The following LHFPL3 variants were observed in gnomAD, a reference collection of about 807,000 sequenced individuals.
LHFPL3 encodes the protein LHFPL tetraspan subfamily member 3 protein.
A neutral mutation model predicts 19.3 loss-of-function variants in LHFPL3; 5 were observed. The observed-to-expected ratio is 0.26, with a 90% CI of 0.14 to 0.54. LHFPL3 has a LOEUF of 0.54. Among genes scored for constraint, LHFPL3 ranks in the 20% least tolerant of loss-of-function variants. The probability of loss-of-function intolerance (pLI) is 0.94; values close to 1 mark genes in which losing one functional copy is unlikely to be tolerated. For synonymous variants in LHFPL3, 133 were observed against 126.2 expected (o/e 1.05, Z -0.36); for missense variants, 249 against 307.4 (o/e 0.81, Z 1.42).
chr7:104,866,279 A>G (rs1235640277), intron 2 of LHFPL3, among the ~76,000 whole-genome samples: 3 of 152,206 alleles, frequency 2.0e-5, no homozygotes, highest in East Asian at 3.8e-4. Flanking sequence ...ACACAGACTG[A>G]CAAATTGGAT....
intron 1 of LHFPL3, among the ~76,000 whole-genome samples, chr7:104,385,517 C>A (rs1303110179): frequency 1.3e-5 from 2 of 152,156 alleles, no homozygotes; most frequent in Non-Finnish European, 2.9e-5. Flanking sequence ...AGTAAAATCA[C>A]CAAGATAATG....
intron 1 of LHFPL3, among the ~76,000 whole-genome samples, chr7:104,434,392 A>G (rs1053450886): frequency 1.3e-5 from 2 of 152,212 alleles, no homozygotes; most frequent in African/African-American, 4.8e-5. Context: ...TGTATGCAAA[A>G]GTTTTTGCAT....
At chr7:104,533,318 G>A (rs1794337269) in intron 1 of LHFPL3, among the ~76,000 whole-genome samples, 1 of 152,014 alleles carries the variant, frequency 6.6e-6, no homozygotes, top group African/African-American at 2.4e-5. Context: ...TTCTTCATGA[G>A]GTTTTTTCCT....
intron 1 of LHFPL3, among the ~76,000 whole-genome samples, chr7:104,374,578 A>G (rs1790674233): frequency 1.3e-5 from 2 of 152,120 alleles, no homozygotes; most frequent in Non-Finnish European, 2.9e-5. Flanking sequence ...TAGGCTAGAA[A>G]TGGAGCACGG....
At chr7:104,410,895 C>T (rs1470591894) in intron 1 of LHFPL3, among the ~76,000 whole-genome samples, 1 of 152,108 alleles carries the variant, frequency 6.6e-6, no homozygotes, top group African/African-American at 2.4e-5. Flanking sequence ...TTGAGTGGCT[C>T]ACTGTGATTC....
intron 1 of LHFPL3, among the ~76,000 whole-genome samples, chr7:104,476,542 C>T: frequency 6.6e-6 from 1 of 152,046 alleles, no homozygotes; most frequent in Non-Finnish European, 1.5e-5. Context: ...CTCACTGCAA[C>T]CTCCGCCTCC....
chr7:104,400,126 A>AC (rs1791283953), intron 1 of LHFPL3, among the ~76,000 whole-genome samples: 2 of 134,740 alleles, frequency 1.5e-5, no homozygotes, highest in African/African-American at 6.0e-5. Flanking sequence ...AAAAAAAAAA[A>AC]AAAAAAAAAA....
chr7:104,666,873 C>T (rs1792364428), intron 1 of LHFPL3, among the ~76,000 whole-genome samples: 1 of 151,880 alleles, frequency 6.6e-6, no homozygotes, highest in Admixed American at 6.6e-5. Flanking sequence ...GTATATATAC[C>T]ACATTTTCTT....
chr7:104,705,647 T>C (rs1248953852), intron 1 of LHFPL3, among the ~76,000 whole-genome samples: 5 of 152,184 alleles, frequency 3.3e-5, no homozygotes. Flanking sequence ...TAGTTACCTT[T>C]AGCACCTGTT....
At chr7:104,696,033 C>A (rs1584484955) in intron 1 of LHFPL3, among the ~76,000 whole-genome samples, 1 of 152,192 alleles carries the variant, frequency 6.6e-6, no homozygotes, top group African/African-American at 2.4e-5. Context: ...TCACTGCAAC[C>A]TCCGCCTCCT....
chr7:104,343,963 A>G (rs1790013335), intron 1 of LHFPL3, among the ~76,000 whole-genome samples: 1 of 152,080 alleles, frequency 6.6e-6, no homozygotes, highest in South Asian at 2.1e-4. Flanking sequence ...TGCTTTTAAT[A>G]TTTCACCATT....
chr7:104,429,301 CTT>C (rs71823474), intron 1 of LHFPL3, among the ~76,000 whole-genome samples: 4 of 84,520 alleles, frequency 4.7e-5, no homozygotes, highest in African/African-American at 1.6e-4. Flanking sequence ...TATGTCATTC[CTT>C]TTTTTTTTTT....
intron 1 of LHFPL3, among the ~76,000 whole-genome samples, chr7:104,512,117 G>C (rs1182313626): frequency 2.0e-5 from 3 of 151,562 alleles, no homozygotes; most frequent in Non-Finnish European, 4.4e-5. Context: ...ACCACACTCA[G>C]CTAATTTTTG....
chr7:104,842,749 G>C (rs1050265765), intron 2 of LHFPL3, among the ~76,000 whole-genome samples: 17 of 152,158 alleles, frequency 1.1e-4, no homozygotes, highest in African/African-American at 3.9e-4. Context: ...TCCTAGCCTA[G>C]TTATAATTTG....
intron 1 of LHFPL3, among the ~76,000 whole-genome samples, chr7:104,618,041 T>C (rs982363351): frequency 3.9e-5 from 6 of 152,196 alleles, no homozygotes; most frequent in African/African-American, 1.4e-4. Flanking sequence ...GTCTTGGTTC[T>C]TCAGTCTTCC....
intron 1 of LHFPL3, among the ~76,000 whole-genome samples, chr7:104,336,788 A>G (rs1789818060): frequency 6.6e-6 from 1 of 152,208 alleles, no homozygotes; most frequent in African/African-American, 2.4e-5. Flanking sequence ...GTTGCAGGAA[A>G]TTTTAAGATT....
chr7:104,484,526 C>T (rs1357595290), intron 1 of LHFPL3, among the ~76,000 whole-genome samples: 2 of 152,174 alleles, frequency 1.3e-5, no homozygotes, highest in African/African-American at 4.8e-5. Flanking sequence ...TTTAGACTTA[C>T]CTTCTTAGAA....
At chr7:104,826,228 T>C (rs13233998) in intron 2 of LHFPL3, 13,361 of 152,608 alleles carry the variant, frequency 0.088, 1,377 homozygotes, top group East Asian at 0.46. Flanking sequence ...GCTCTCACCA[T>C]GGCTTAGGTC....
intron 1 of LHFPL3, among the ~76,000 whole-genome samples, chr7:104,347,399 A>T (rs1790091244): frequency 3.3e-5 from 5 of 152,106 alleles, no homozygotes. Context: ...GAAACTTTCC[A>T]GGGCTGGGTC....
Sources: allele counts gnomAD v4.1 joint callset (sites outside exome capture counted in the v4.1 genomes callset), GRCh38; gene constraint gnomAD v4.1.1; transcripts MANE v1.5; gene names NCBI Gene and HGNC (gene_info 2026-07-23, HGNC 2026-07-21).